Variants in RAB44 observed in about 807,000 individuals in gnomAD.
RAB44 encodes the protein ras-related protein Rab-44.
RAB44 carries 67 observed loss-of-function variants against 93.3 expected under a neutral mutation model. That is an observed-to-expected ratio of 0.72 (90% CI 0.59 to 0.88). The LOEUF is 0.88. Among genes scored for constraint, RAB44 ranks in the 40% least tolerant of loss-of-function variants. RAB44 has a pLI of 0.00. For synonymous variants in RAB44, 427 were observed against 520.3 expected (o/e 0.82, Z 2.44); for missense variants, 1,064 against 1,261.7 (o/e 0.84, Z 2.37).
intron 2 of RAB44, among the ~76,000 whole-genome samples, chr6:36,705,621 G>C (rs921198795): frequency 3.9e-5 from 6 of 152,100 alleles, no homozygotes; most frequent in Non-Finnish European, 5.9e-5. Flanking sequence ...GACTTCAGGT[G>C]ATCCACCTGC....
Position 36,713,922 on chromosome 6 carries a change from A to G in RAB44, c.302A>G (p.Glu101Gly). 1 of 1,533,758 alleles carries G rather than the reference A, an allele frequency of 6.5e-7. No homozygotes were observed. Among genetic ancestry groups the G allele is most frequent in the Non-Finnish European group, 8.7e-7 (1 of 1,144,790 alleles). Residue 101 changes from glutamate (E) to glycine (G), a missense_variant, in exon 3 of 14, where the codon GAA becomes GGA. Coordinates refer to ENST00000612677, the MANE Select transcript of RAB44 (RefSeq NM_001257357.2). The part of the protein sequence containing the change: ...VERKGHLSLE[E>G]FSSGLKNIFG... ...CGGAAGGGACACCTGTCCCTTGAAG[A>G]ATTCAGCTCTGGACTCAGTATGTCT...
chr6:36,723,287 C>T (rs1386181628), intron 9 of RAB44, among the ~76,000 whole-genome samples: 1 of 152,202 alleles, frequency 6.6e-6, no homozygotes, highest in East Asian at 1.9e-4. Context: ...TCCTCATCTG[C>T]ATAATGGGGA....
At chr6:36,729,618 G>C (rs1430467037) in intron 12 of RAB44, among the ~76,000 whole-genome samples, 1 of 152,000 alleles carries the variant, frequency 6.6e-6, no homozygotes, top group Non-Finnish European at 1.5e-5. Flanking sequence ...TAGTAGCTGG[G>C]ATTACAGGCA....
At chr6:36,719,639 C>T (rs549156548) in intron 7 of RAB44, among the ~76,000 whole-genome samples, 10 of 152,218 alleles carry the variant, frequency 6.6e-5, no homozygotes, top group African/African-American at 2.4e-4. Context: ...ATAGAAGAGT[C>T]GTAGGAGTTG....
At chr6:36,716,157 G>C (rs912449987) in intron 4 of RAB44, among the ~76,000 whole-genome samples, 8 of 152,182 alleles carry the variant, frequency 5.3e-5, no homozygotes, top group African/African-American at 1.9e-4. Context: ...AGGTGTCAGG[G>C]GTTTGCCTTT....
At position 36,733,077 on chromosome 6, in the gene RAB44, C is replaced by T. The variant is rs1406732615; in HGVS notation, c.*984C>T. 6.6e-6 allele frequency: 1 copy of T among 152,202 alleles called. No individual in the cohort carries two copies. The highest frequency in any genetic ancestry group is 2.4e-5 in the African/African-American group (1 of 41,446). The allele number at this position is 152,202 out of a possible 1,614,324, so 9.4% of individuals were successfully genotyped here. On this transcript the variant is annotated 3_prime_UTR_variant, in exon 14 of 14. Coordinates refer to ENST00000612677, the MANE Select transcript of RAB44 (RefSeq NM_001257357.2). The stretch of plus-strand genomic sequence containing the variant: ...CAGCTAGGGCTGGGGTTTCCAGTGC[C>T]CTCGGAGAGCTTGCTTTAGAGTCTT...
chr6:36,716,922 G>A (rs1200776111), intron 4 of RAB44, among the ~76,000 whole-genome samples: 2 of 152,160 alleles, frequency 1.3e-5, no homozygotes, highest in Non-Finnish European at 2.9e-5. Flanking sequence ...TTACAAATGA[G>A]CCCAGAGAGG....
chr6:36,721,614 A>G lies in RAB44; in HGVS notation c.1480A>G (p.Lys494Glu). 1 of 1,234,500 alleles carries G rather than the reference A, an allele frequency of 8.1e-7. No homozygotes were observed. The highest frequency in any genetic ancestry group is 1.0e-6 in the Non-Finnish European group (1 of 988,330). 76.5% of individuals were successfully genotyped at this position (1,234,500 alleles called of 1,614,324 possible). A position where few individuals can be genotyped will look rare whatever the true frequency, so the allele number is the denominator to read the frequency against. Residue 494 changes from lysine (K) to glutamate (E), a missense_variant, in exon 9 of 14, where the codon AAA becomes GAA. Physicochemically the swap from Lys to Glu is moderately conservative, Grantham distance 56. Coordinates refer to ENST00000612677, the MANE Select transcript of RAB44 (RefSeq NM_001257357.2). The stretch of plus-strand genomic sequence containing the variant: ...AGGAAGCCTGGTGGCACCTGCATTC[A>G]AAGTGCTCATTCCTTTGGAGGATGG... ...LSGSLVAPAF[K>E]VLIPLEDGPP...
In RAB44 at chr6:36,731,912, C is replaced by T. The variant is rs557839335; in HGVS notation, c.2976-91C>T. On this transcript the variant is annotated intron_variant, in intron 13 of 13. Coordinates refer to ENST00000612677, the MANE Select transcript of RAB44 (RefSeq NM_001257357.2). The surrounding 1 kb of genome is among the most constrained non-coding windows in gnomAD (Gnocchi z 4.0). ...AGAGCTGTTGTGGGGGTTGTGGGTG[C>T]GGCCTCCCACCCCCCAGCTGCACCC... The T allele has an allele frequency of 3.2e-5, 24 of 753,648 alleles. No homozygotes were observed. In the South Asian group the frequency reaches 9.2e-4, roughly 29 times the overall value. The allele number at this position is 753,648 out of a possible 1,614,324, so 46.7% of individuals were successfully genotyped here. A position where few individuals can be genotyped will look rare whatever the true frequency, so the allele number is the denominator to read the frequency against.
intron 12 of RAB44, among the ~76,000 whole-genome samples, chr6:36,729,456 TGGAA>T (rs2150342676): frequency 6.6e-6 from 1 of 152,028 alleles, no homozygotes; most frequent in African/African-American, 2.4e-5. Context: ...TGGCTCCTGC[TGGAA>T]GGGAATTTTT....
At chr6:36,710,892 A>G (rs1424660569) in intron 2 of RAB44, among the ~76,000 whole-genome samples, 3 of 152,172 alleles carry the variant, frequency 2.0e-5, no homozygotes, top group Non-Finnish European at 4.4e-5. Context: ...CCAAAGTGCT[A>G]GGATTACAGG....
Position 36,717,244 on chromosome 6 carries a change from C to T in RAB44, c.495-29C>T. 1 of 1,232,110 alleles carries T rather than the reference C, an allele frequency of 8.1e-7. No homozygotes were observed. The highest frequency in any genetic ancestry group is 1.0e-6 in the Non-Finnish European group (1 of 987,972). 76.3% of individuals were successfully genotyped at this position (1,232,110 alleles called of 1,614,324 possible). A position where few individuals can be genotyped will look rare whatever the true frequency, so the allele number is the denominator to read the frequency against. ...TCCATCCCACCTTGTGTCTGACCCT[C>T]CCATCTCTGGCTGTCTTCCCCTCCC... On this transcript the variant is annotated intron_variant, in intron 4 of 13. Transcript: ENST00000612677. This position sits in a 1 kb window ranked among gnomAD's most constrained non-coding sequence, Gnocchi z 4.1.
chr6:36,707,367 A>T (rs567552828), intron 2 of RAB44, among the ~76,000 whole-genome samples: 2 of 152,174 alleles, frequency 1.3e-5, no homozygotes, highest in Non-Finnish European at 2.9e-5. Context: ...CTCAAAAAAA[A>T]AAAAAAGTAT....
chr6:36,711,727 A>C (rs1353073398), intron 2 of RAB44, among the ~76,000 whole-genome samples: 2 of 152,108 alleles, frequency 1.3e-5, no homozygotes, highest in Admixed American at 6.5e-5. Context: ...GTACAAAAGT[A>C]TTTCACACTG....
At chr6:36,711,233 C>T (rs766385892) in intron 2 of RAB44, among the ~76,000 whole-genome samples, 1 of 152,102 alleles carries the variant, frequency 6.6e-6, no homozygotes, top group Non-Finnish European at 1.5e-5. Flanking sequence ...AGTAATTAAT[C>T]AATTTAGTGG....
At chr6:36,721,084 A>C in intron 8 of RAB44, 67 bp from the exon 9 acceptor site, 1 of 1,223,108 alleles carries the variant, frequency 8.2e-7, no homozygotes. Context: ...TGAGGGCTGC[A>C]GGTGGGATGG....
chr6:36,717,970 G>A lies in RAB44; in HGVS notation c.642-58G>A. On this transcript the variant is annotated intron_variant, in intron 5 of 13. Coordinates refer to ENST00000612677, the MANE Select transcript of RAB44 (RefSeq NM_001257357.2). The surrounding 1 kb of genome is among the most constrained non-coding windows in gnomAD (Gnocchi z 4.1). ...ACCCAAGCCCAGACTGCCCCTGCCA[G>A]CAGCAGGCTCCCAGAGGTGCTGATG... 1.8e-6 allele frequency: 2 copies of A among 1,093,506 alleles called. No homozygotes were observed. The highest frequency in any genetic ancestry group is 2.3e-6 in the Non-Finnish European group (2 of 861,552). 67.7% of individuals were successfully genotyped at this position (1,093,506 alleles called of 1,614,324 possible).
intron 1 of RAB44, among the ~76,000 whole-genome samples, chr6:36,703,930 A>G (rs1200150733): frequency 6.6e-6 from 1 of 152,134 alleles, no homozygotes; most frequent in African/African-American, 2.4e-5. Flanking sequence ...ATGGTCGGAG[A>G]AGACTTTGAT....
In RAB44 at chr6:36,722,351, G is replaced by A. The variant is rs762846995; in HGVS notation, c.2217G>A (p.Ser739=). Residue 739 remains serine, a synonymous_variant, in exon 9 of 14, where the codon TCG becomes TCA. Coordinates refer to ENST00000612677, the MANE Select transcript of RAB44 (RefSeq NM_001257357.2). The stretch of plus-strand genomic sequence containing the variant: ...CAGAAGGCCCCACTCCTGGAAAATC[G>A]GCACCTCCAAGGGGCTCTCCTCCCA... ...VEAEGPTPGK[S]APPRGSPPRG... is the part of the protein sequence containing the mutation. 1.7e-5 allele frequency: 23 copies of A among 1,332,600 alleles called. No homozygotes were observed. Among genetic ancestry groups the A allele is most frequent in the Non-Finnish European group, 2.1e-5 (22 of 1,042,952 alleles). The allele number at this position is 1,332,600 out of a possible 1,614,324, so 82.5% of individuals were successfully genotyped here.
Sources: allele counts gnomAD v4.1 joint callset (sites outside exome capture counted in the v4.1 genomes callset), GRCh38; gene constraint gnomAD v4.1.1; non-coding constraint Gnocchi (gnomAD v3.1); transcripts MANE v1.5; gene names NCBI Gene and HGNC (gene_info 2026-07-23, HGNC 2026-07-21).